Variants in SAMD5 observed in about 807,000 individuals in gnomAD.
The protein encoded by SAMD5 is sterile alpha motif domain containing 5.
A neutral mutation model predicts 11.3 loss-of-function variants in SAMD5; 13 were observed. The ratio of observed to expected loss-of-function variants is 1.15; its 90% CI spans 0.75 to 1.83. SAMD5 has a LOEUF of 1.83. Among genes scored for constraint, SAMD5 ranks in the 40% most tolerant of loss-of-function variants. SAMD5 has a pLI of 0.00. For missense variants in SAMD5, 255 were observed against 239.1 expected, an observed-to-expected ratio of 1.07 and a Z score of -0.44; for synonymous variants, 129 against 111.3, an observed-to-expected ratio of 1.16 and a Z score of -1.00.
chr6:147,600,732 G>C (rs893372558), intron 1 of SAMD5, among the ~76,000 whole-genome samples: 2 of 152,168 alleles, frequency 1.3e-5, no homozygotes, highest in East Asian at 3.9e-4. Flanking sequence ...TTGATCACAG[G>C]GTCTCTATGT....
At chr6:147,536,174 G>A (rs936814099) in intron 1 of SAMD5, among the ~76,000 whole-genome samples, 6 of 152,002 alleles carry the variant, frequency 3.9e-5, no homozygotes, top group Admixed American at 2.0e-4. Context: ...TAGTGCAGAC[G>A]GGATTTCACC....
Position 147,549,005 on chromosome 6 carries a change from A to G in SAMD5, c.460-15389A>G, listed in dbSNP as rs369774168. On this transcript the variant is annotated intron_variant, in intron 1 of 1. Coordinates refer to ENST00000367474, the MANE Select transcript of SAMD5 (RefSeq NM_001030060.3). ...TTACAAAACTGTGCATGGTTCACAA[A>G]TTAAATCTTTTCCCTTAGTCACAAT... Among the ~76,000 whole-genome samples the G allele has an allele frequency of 5.9e-5, 9 of 152,154 alleles. No homozygotes were observed. The South Asian group carries it at 1.7e-3, about 28-fold the overall frequency.
the SAMD5 span, among the ~76,000 whole-genome samples, chr6:147,943,151 T>C: frequency 2.0e-5 from 3 of 152,172 alleles, no homozygotes; most frequent in African/African-American, 7.2e-5. Context: ...CCTGAGAGTA[T>C]GAATCCCAGA....
At chr6:147,884,875 G>T in the SAMD5 span, among the ~76,000 whole-genome samples, 1 of 152,120 alleles carries the variant, frequency 6.6e-6, no homozygotes, top group South Asian at 2.1e-4. Context: ...CATTATTAGG[G>T]AGTTGTCATC....
chr6:147,827,619 T>A, the SAMD5 span, among the ~76,000 whole-genome samples: 8,321 of 152,208 alleles, frequency 0.055, 742 homozygotes, highest in African/African-American at 0.19. Flanking sequence ...GCAGTGTCGA[T>A]GGCTCTCAGG....
the SAMD5 span, among the ~76,000 whole-genome samples, chr6:147,894,582 A>C: frequency 6.6e-6 from 1 of 152,292 alleles, no homozygotes; most frequent in Non-Finnish European, 1.5e-5. Flanking sequence ...ACATGTTGCT[A>C]AGCAGTATTT....
intron 1 of SAMD5, among the ~76,000 whole-genome samples, chr6:147,733,404 G>C (rs559344041): frequency 6.6e-6 from 1 of 152,140 alleles, no homozygotes; most frequent in Non-Finnish European, 1.5e-5. Context: ...TTTTGTGTGC[G>C]TTTTCTGCAC....
At chr6:147,622,826 A>T (rs539190924) in intron 1 of SAMD5, among the ~76,000 whole-genome samples, 1 of 152,348 alleles carries the variant, frequency 6.6e-6, no homozygotes, top group South Asian at 2.1e-4. Context: ...TCACAGTTCC[A>T]CATGGATGGG....
chr6:147,799,563 C>T, the SAMD5 span, among the ~76,000 whole-genome samples: 14 of 151,654 alleles, frequency 9.2e-5, no homozygotes, highest in South Asian at 2.1e-4. Flanking sequence ...TTGCTCTTCT[C>T]GAGGAGTATC....
intron 1 of SAMD5, among the ~76,000 whole-genome samples, chr6:147,634,781 G>A (rs745927196): frequency 3.3e-5 from 5 of 152,156 alleles, no homozygotes; most frequent in Non-Finnish European, 5.9e-5. Flanking sequence ...AGTCAATGTG[G>A]AAAAAATGAG....
At chr6:147,949,945 T>C in the SAMD5 span, among the ~76,000 whole-genome samples, 8 of 152,238 alleles carry the variant, frequency 5.3e-5, no homozygotes, top group Non-Finnish European at 5.9e-5. Flanking sequence ...TTTCCTCTAG[T>C]GACTTGTGTT....
intron 1 of SAMD5, among the ~76,000 whole-genome samples, chr6:147,706,986 A>G (rs1791333365): frequency 6.6e-6 from 1 of 152,100 alleles, no homozygotes; most frequent in Non-Finnish European, 1.5e-5. Context: ...AAATTAACTT[A>G]CGGTGTAAAT....
At chr6:147,709,464 T>C (rs544527409) in intron 1 of SAMD5, among the ~76,000 whole-genome samples, 2 of 152,350 alleles carry the variant, frequency 1.3e-5, no homozygotes, top group South Asian at 2.1e-4. Flanking sequence ...ATAATCAAAT[T>C]GATTCTTTAG....
At chr6:147,518,683 C>T (rs1293556212) in intron 1 of SAMD5, among the ~76,000 whole-genome samples, 1 of 152,204 alleles carries the variant, frequency 6.6e-6, no homozygotes. Context: ...TGACACACAG[C>T]TTCTCAAGTT....
At chr6:147,528,160 G>C (rs1408714130) in intron 1 of SAMD5, among the ~76,000 whole-genome samples, 1 of 152,106 alleles carries the variant, frequency 6.6e-6, no homozygotes, top group Non-Finnish European at 1.5e-5. Flanking sequence ...ATTCACTGGG[G>C]ACACAGATCC....
intron 1 of SAMD5, among the ~76,000 whole-genome samples, chr6:147,509,911 T>C (rs1788061663): frequency 1.3e-5 from 2 of 152,126 alleles, no homozygotes; most frequent in Admixed American, 1.3e-4. Context: ...TGCTGCAAAT[T>C]TGAGAAGCTT....
chr6:147,923,010 A>T, the SAMD5 span, among the ~76,000 whole-genome samples: 1 of 152,084 alleles, frequency 6.6e-6, no homozygotes, highest in Non-Finnish European at 1.5e-5. Flanking sequence ...CACTGCCGCG[A>T]ATAACATTTC....
In SAMD5 at chr6:147,567,153, A is replaced by C; in HGVS notation, c.*2697A>C. On this transcript the variant is annotated 3_prime_UTR_variant, in exon 2 of 2. Transcript: ENST00000367474. ...ATTTAGGGAGGTAAAAAAAGATTTT[A>C]TTCACATAAAAGATTTCTTGGCATA... is the stretch of plus-strand genomic sequence containing the variant. The C allele has an allele frequency of 1.0e-6, 1 of 985,012 alleles. No individual in the cohort carries two copies. The highest frequency in any genetic ancestry group is 1.2e-6 in the Non-Finnish European group (1 of 829,556). 61.0% of individuals were successfully genotyped at this position (985,012 alleles called of 1,614,324 possible). A position where few individuals can be genotyped will look rare whatever the true frequency, so the allele number is the denominator to read the frequency against.
intron 1 of SAMD5, among the ~76,000 whole-genome samples, chr6:147,722,260 C>T (rs1000306238): frequency 6.6e-6 from 1 of 151,798 alleles, no homozygotes; most frequent in Non-Finnish European, 1.5e-5. Context: ...CACTTCATTC[C>T]AGTATATAGT....
Sources: allele counts gnomAD v4.1 joint callset (sites outside exome capture counted in the v4.1 genomes callset), GRCh38; gene constraint gnomAD v4.1.1; transcripts MANE v1.5; gene names NCBI Gene and HGNC (gene_info 2026-07-23, HGNC 2026-07-21).